PCDHA3: variants seen among roughly 807,000 people sequenced by gnomAD.
PCDHA3 encodes protocadherin alpha 3, also known as protocadherin alpha-3.
In PCDHA3, 41 loss-of-function variants were observed where a neutral mutation model predicts 62.2. The observed-to-expected ratio is 0.66, with a 90% CI of 0.51 to 0.86. PCDHA3 has a LOEUF of 0.86. Ranked by LOEUF, PCDHA3 falls within the 40% of genes least tolerant of loss-of-function variation. The pLI is 0.00. For missense variants in PCDHA3, 1,304 were observed against 1,241.2 expected (o/e 1.05, Z -0.76); for synonymous variants, 640 against 555.4 (o/e 1.15, Z -2.14).
intron 1 of PCDHA3, chr5:140,829,415 T>C: frequency 6.2e-7 from 1 of 1,614,082 alleles, no homozygotes; most frequent in South Asian, 1.1e-5. Flanking sequence ...CGCCAGCTTG[T>C]CTGTGGAGGT....
At chr5:140,968,124 G>T (rs202202452) in intron 1 of PCDHA3, 1 of 1,614,126 alleles carries the variant, frequency 6.2e-7, no homozygotes, top group Non-Finnish European at 8.5e-7. Flanking sequence ...ACATCCCTGC[G>T]TACACTGAAG....
rs371069140 is a variant in PCDHA3, at chr5:141,011,291, A to G, written c.*1354A>G. ...CTCTTTGGTTTAGTTTTCCTTTTCT[A>G]TAACACTCTGAATTGCTAATCTTAC... is the stretch of plus-strand genomic sequence containing the variant. On this transcript the variant is annotated 3_prime_UTR_variant, in exon 4 of 4. Coordinates refer to ENST00000522353, the MANE Select transcript of PCDHA3 (RefSeq NM_018906.3). 6 of 153,852 alleles carry G rather than the reference A, an allele frequency of 3.9e-5. No homozygotes were observed. The highest frequency in any genetic ancestry group is 8.8e-5 in the Non-Finnish European group (6 of 68,024). 9.5% of individuals were successfully genotyped at this position (153,852 alleles called of 1,614,324 possible).
chr5:140,966,812 C>T, intron 1 of PCDHA3: 1 of 1,550,798 alleles, frequency 6.4e-7, no homozygotes, highest in East Asian at 2.4e-5. Flanking sequence ...GCATCCACGG[C>T]TCCGGCGGCC....
intron 1 of PCDHA3, chr5:140,863,282 A>T (rs782183211): frequency 6.8e-7 from 1 of 1,461,396 alleles, no homozygotes; most frequent in East Asian, 3.4e-5. Context: ...GTGGATGTCA[A>T]CGTGTACCTG....
chr5:140,848,486 A>G lies in PCDHA3; in HGVS notation c.2394+44895A>G. On this transcript the variant is annotated intron_variant, in intron 1 of 3. Transcript: ENST00000522353. Reference sequence around the variant, plus strand: ...ATTTTCACTAATTAGAAGAAGACTGAGTATTTGAAATGTTATACTCAAGTC... The same window carrying G: ...ATTTTCACTAATTAGAAGAAGACTGGGTATTTGAAATGTTATACTCAAGTC... 1.3e-6 allele frequency: 2 copies of G among 1,572,848 alleles called. 1 individual carries two copies.
intron 1 of PCDHA3, chr5:140,807,100 A>C (rs1763843839): frequency 1.4e-6 from 2 of 1,408,914 alleles, no homozygotes; most frequent in Admixed American, 2.0e-5. Context: ...AATATGGAGG[A>C]TGCAGCTGCA....
chr5:140,967,181 T>C (rs782433025), intron 1 of PCDHA3: 4 of 1,613,136 alleles, frequency 2.5e-6, no homozygotes, highest in East Asian at 2.2e-5. Context: ...GGTGGAAATA[T>C]TGGACATCAA....
chr5:140,888,287 C>T (rs1371852276), intron 1 of PCDHA3, among the ~76,000 whole-genome samples: 1 of 152,072 alleles, frequency 6.6e-6, no homozygotes, highest in African/African-American at 2.4e-5. Flanking sequence ...CCCCTCTACC[C>T]CCTACCCAGG....
chr5:140,833,852 G>A (rs1262329896), intron 1 of PCDHA3, among the ~76,000 whole-genome samples: 1 of 152,108 alleles, frequency 6.6e-6, no homozygotes, highest in South Asian at 2.1e-4. Context: ...CTTAACAAGC[G>A]ATACTGAATC....
chr5:141,008,654 C>T (rs1554261865), intron 3 of PCDHA3, among the ~76,000 whole-genome samples: 1 of 152,124 alleles, frequency 6.6e-6, no homozygotes, highest in Non-Finnish European at 1.5e-5. Context: ...TTCTGGAGTC[C>T]CACAATACTT....
In PCDHA3 at chr5:140,801,647, T is replaced by C. The variant is rs1554121607; in HGVS notation, c.450T>C (p.Ser150=). The stretch of plus-strand genomic sequence containing the variant: ...TTTCCGAATCCCGACAGCCTGGCTC[T>C]CGGTTTTCGCTAGAGGGCGCATCAG... ...LFISESRQPG[S]RFSLEGASDA... Residue 150 remains serine (S), a synonymous_variant, in exon 1 of 4, where the codon TCT becomes TCC. Coordinates refer to ENST00000522353, the MANE Select transcript of PCDHA3 (RefSeq NM_018906.3). 2 of 1,614,218 alleles carry C rather than the reference T, an allele frequency of 1.2e-6. No homozygotes were observed. The highest frequency in any genetic ancestry group is 1.7e-6 in the Non-Finnish European group (2 of 1,180,040).
intron 1 of PCDHA3, chr5:140,803,906 C>A (rs538435435): frequency 3.9e-6 from 2 of 512,534 alleles, no homozygotes; most frequent in South Asian, 4.9e-5. Context: ...TTTAGAGAAT[C>A]TGACTTCGAC....
intron 1 of PCDHA3, chr5:140,848,457 G>A (rs1030799361): frequency 6.5e-7 from 1 of 1,527,596 alleles, no homozygotes; most frequent in African/African-American, 1.4e-5. Context: ...CTAATTTGGA[G>A]GCAATTTTCA....
rs1554262759 is a variant in PCDHA3 at position 141,010,215 on chromosome 5, G to A, written c.*278G>A. ...CCTTTCTCCTCCGCCGCAAAGGAGA[G>A]GCTTCCCAGCCCCGCCAGTGAGAGG... On this transcript the variant is annotated 3_prime_UTR_variant, in exon 4 of 4. Transcript: ENST00000522353. The A allele has an allele frequency of 6.4e-7, 1 of 1,551,774 alleles. No homozygotes were observed. Among genetic ancestry groups the A allele is most frequent in the East Asian group, 2.4e-5 (1 of 40,918 alleles).
chr5:140,954,843 G>T (rs1011520662), intron 1 of PCDHA3, among the ~76,000 whole-genome samples: 4 of 152,058 alleles, frequency 2.6e-5, no homozygotes, highest in African/African-American at 9.7e-5. Flanking sequence ...TGAAATCTTT[G>T]CCTGTGCCTA....
chr5:140,923,814 A>G (rs1554201602), intron 1 of PCDHA3, among the ~76,000 whole-genome samples: 1 of 152,250 alleles, frequency 6.6e-6, no homozygotes, highest in Non-Finnish European at 1.5e-5. Flanking sequence ...ATCTTCTGAA[A>G]ATAGACGTCA....
intron 1 of PCDHA3, chr5:140,848,382 ACTCT>A (rs1581148542): frequency 1.7e-6 from 2 of 1,188,866 alleles, no homozygotes; most frequent in Non-Finnish European, 2.4e-6. Flanking sequence ...ATTCTTTTTC[ACTCT>A]CTCTGTGCTG....
chr5:140,828,073 A>G, intron 1 of PCDHA3: 1 of 1,567,184 alleles, frequency 6.4e-7, no homozygotes, highest in East Asian at 2.2e-5. Context: ...TAATGGAAAT[A>G]AAACCAGAGG....
chr5:140,875,352 T>C lies in PCDHA3; in HGVS notation c.2394+71761T>C, dbSNP rs563345056. ...AATAGGATCGACTCCATAATGACTGTGATGCTGGAAAAAATTTACTAAATA... is the reference window on the plus strand; with the variant it reads ...AATAGGATCGACTCCATAATGACTGCGATGCTGGAAAAAATTTACTAAATA... On this transcript the variant is annotated intron_variant, in intron 1 of 3. Transcript: ENST00000522353. 15 of 1,445,236 alleles carry C rather than the reference T, an allele frequency of 1.0e-5. No individual in the cohort carries two copies. In the African/African-American group the frequency reaches 1.9e-4, roughly 18 times the overall value. The allele number at this position is 1,445,236 out of a possible 1,614,324, so 89.5% of individuals were successfully genotyped here.
Sources: allele counts gnomAD v4.1 joint callset (sites outside exome capture counted in the v4.1 genomes callset), GRCh38; gene constraint gnomAD v4.1.1; transcripts MANE v1.5; gene names NCBI Gene and HGNC (gene_info 2026-07-23, HGNC 2026-07-21).